Variants in SLC25A21 observed in about 807,000 individuals in gnomAD.
SLC25A21 encodes the protein solute carrier family 25 member 21, also known as mitochondrial 2-oxodicarboxylate carrier.
Under a neutral mutation model 43.8 loss-of-function variants are expected in SLC25A21, and 47 were observed. That is an observed-to-expected ratio of 1.07 (90% confidence interval 0.85 to 1.37). SLC25A21 has a LOEUF of 1.37. SLC25A21 is among the 40% of genes most tolerant of loss of function. The probability of loss-of-function intolerance (pLI) is 0.00; values close to 1 mark genes in which losing one functional copy is unlikely to be tolerated. For synonymous variants in SLC25A21, 131 were observed against 121.3 expected (o/e 1.08, Z -0.52); for missense variants, 352 against 350.2 (o/e 1.00, Z -0.04).
intron 1 of SLC25A21, among the ~76,000 whole-genome samples, chr14:36,925,052 A>G (rs1892093295): frequency 6.6e-6 from 1 of 152,196 alleles, no homozygotes; most frequent in South Asian, 2.1e-4. Context: ...TTAAAAAAAT[A>G]TATATCATAA....
chr14:36,752,957 G>C (rs1408089789), intron 3 of SLC25A21, among the ~76,000 whole-genome samples: 1 of 152,168 alleles, frequency 6.6e-6, no homozygotes, highest in East Asian at 1.9e-4. Context: ...ATATAACCCA[G>C]TCTTGGGTAT....
intron 3 of SLC25A21, among the ~76,000 whole-genome samples, chr14:36,776,898 C>T (rs1886856471): frequency 6.6e-6 from 1 of 152,196 alleles, no homozygotes; most frequent in Non-Finnish European, 1.5e-5. Flanking sequence ...ATGTCTTTCT[C>T]TACTGACCTT....
chr14:36,881,293 T>C (rs986502992), intron 1 of SLC25A21, among the ~76,000 whole-genome samples: 7 of 152,200 alleles, frequency 4.6e-5, no homozygotes, highest in African/African-American at 1.7e-4. Context: ...TTGAGATTAC[T>C]TGCCCTAAGT....
chr14:37,104,249 C>A (rs1399382426), intron 1 of SLC25A21, among the ~76,000 whole-genome samples: 1 of 152,176 alleles, frequency 6.6e-6, no homozygotes, highest in East Asian at 1.9e-4. Flanking sequence ...AGCTTGTTCA[C>A]CCCTTCCATG....
intron 3 of SLC25A21, among the ~76,000 whole-genome samples, chr14:36,770,643 C>G (rs945938168): frequency 3.9e-5 from 6 of 152,124 alleles, no homozygotes; most frequent in African/African-American, 1.2e-4. Context: ...CTGGTGATTT[C>G]TATAAAACGT....
intron 1 of SLC25A21, among the ~76,000 whole-genome samples, chr14:36,987,218 G>A (rs1382729510): frequency 6.6e-6 from 1 of 152,154 alleles, no homozygotes; most frequent in Non-Finnish European, 1.5e-5. Context: ...CCCAACCAGA[G>A]AGGAAGGTTT....
intron 1 of SLC25A21, among the ~76,000 whole-genome samples, chr14:37,064,696 A>G (rs1962024370): frequency 6.6e-6 from 1 of 152,162 alleles, no homozygotes; most frequent in African/African-American, 2.4e-5. Context: ...TCTATGAATT[A>G]ACTCATTTGT....
chr14:37,102,316 G>A (rs1338638943), intron 1 of SLC25A21, among the ~76,000 whole-genome samples: 2 of 151,940 alleles, frequency 1.3e-5, no homozygotes, highest in East Asian at 3.9e-4. Flanking sequence ...GGTGGCACAT[G>A]CCTGTAATCC....
intron 3 of SLC25A21, among the ~76,000 whole-genome samples, chr14:36,744,542 A>C (rs1416076583): frequency 7.1e-6 from 1 of 140,564 alleles, no homozygotes; most frequent in Non-Finnish European, 1.6e-5. Context: ...TCAACTCAAA[A>C]TGGATTACAG....
rs190021240 is a variant in SLC25A21, at chr14:37,030,065, G to A, written c.70+142216C>T. Among the ~76,000 whole-genome samples the A allele has an allele frequency of 4.7e-4, 71 of 152,074 alleles. No homozygotes were observed. In the East Asian group the frequency reaches 8.7e-3, roughly 19 times the overall value. ...CAGGCGTGAGCCACTGCACCTGGCCGAATAGCCTACTCTTGACTGGAAGCC... is the reference window on the plus strand; with the variant it reads ...CAGGCGTGAGCCACTGCACCTGGCCAAATAGCCTACTCTTGACTGGAAGCC... On this transcript the variant is annotated intron_variant, in intron 1 of 9. Coordinates refer to ENST00000331299, the MANE Select transcript of SLC25A21 (RefSeq NM_030631.4).
chr14:37,116,224 A>C (rs1377223820), intron 1 of SLC25A21, among the ~76,000 whole-genome samples: 1 of 152,202 alleles, frequency 6.6e-6, no homozygotes, highest in African/African-American at 2.4e-5. Context: ...CAGCACATGT[A>C]CAATACCCTC....
At chr14:36,727,785 C>T (rs1884661555) in intron 5 of SLC25A21, among the ~76,000 whole-genome samples, 1 of 152,100 alleles carries the variant, frequency 6.6e-6, no homozygotes, top group South Asian at 2.1e-4. Flanking sequence ...CATTTCATCT[C>T]CCTTCATTAT....
chr14:36,819,699 C>A lies in SLC25A21; in HGVS notation c.120-5698G>T, dbSNP rs111279204. Among the ~76,000 whole-genome samples the A allele has an allele frequency of 5.4e-3, 816 of 152,178 alleles. 8 individuals are homozygous for A. Among genetic ancestry groups the A allele is most frequent in the African/African-American group, 0.018 (758 of 41,518 alleles). ...TCTTCTTAACAAATACTGAACGAGT[C>A]TATTCTGGGGAGTGGAGGCTTTAGA... is the stretch of plus-strand genomic sequence containing the variant. On this transcript the variant is annotated intron_variant, in intron 2 of 9. Coordinates refer to ENST00000331299, the MANE Select transcript of SLC25A21 (RefSeq NM_030631.4).
At chr14:37,050,718 C>CAACAATGCAAA (rs1162320973) in intron 1 of SLC25A21, among the ~76,000 whole-genome samples, 3 of 152,182 alleles carry the variant, frequency 2.0e-5, no homozygotes, top group Non-Finnish European at 4.4e-5. Context: ...TGCTAATACT[C>CAACAATGCAAA]AACAATGCAA....
chr14:37,017,574 G>A (rs906633406), intron 1 of SLC25A21, among the ~76,000 whole-genome samples: 17 of 151,974 alleles, frequency 1.1e-4, no homozygotes, highest in Admixed American at 6.6e-5. Context: ...ACGCTGCTGG[G>A]AAAATGGTGC....
intron 6 of SLC25A21, among the ~76,000 whole-genome samples, chr14:36,715,451 T>C (rs1884085213): frequency 1.3e-5 from 2 of 152,238 alleles, no homozygotes; most frequent in African/African-American, 4.8e-5. Flanking sequence ...TGGTAACTGA[T>C]TAGCATCATC....
intron 1 of SLC25A21, among the ~76,000 whole-genome samples, chr14:36,914,553 C>T (rs899325219): frequency 1.3e-5 from 2 of 152,088 alleles, no homozygotes. Flanking sequence ...ATATTTAAGA[C>T]CAACTTCTGT....
intron 1 of SLC25A21, among the ~76,000 whole-genome samples, chr14:37,141,718 T>C (rs1291696355): frequency 1.3e-5 from 2 of 152,210 alleles, no homozygotes; most frequent in African/African-American, 4.8e-5. Flanking sequence ...TTACTCAAAA[T>C]ACCTGAAACA....
intron 1 of SLC25A21, among the ~76,000 whole-genome samples, chr14:36,971,889 T>C (rs574807893): frequency 1.4e-4 from 21 of 152,160 alleles, no homozygotes; most frequent in Non-Finnish European, 2.8e-4. Context: ...TGGACTATTA[T>C]AGCAAAAGTA....
Sources: gnomAD v4.1 joint callset for allele counts (sites outside exome capture counted in the v4.1 genomes callset) on GRCh38, gnomAD v4.1.1 for gene constraint, MANE v1.5 for transcripts, NCBI Gene and HGNC (gene_info 2026-07-23, HGNC 2026-07-21) for gene names.